The following TLK1 variants were observed in gnomAD, a reference collection of about 807,000 sequenced individuals.
The protein encoded by TLK1 is serine/threonine-protein kinase tousled-like 1.
TLK1 carries 24 observed loss-of-function variants against 105.3 expected under a neutral mutation model. That is an observed-to-expected ratio of 0.23 (90% CI 0.17 to 0.32). The LOEUF (loss-of-function observed/expected upper bound fraction) is 0.32, where lower values mean the gene tolerates loss of function less well. Among genes scored for constraint, TLK1 ranks in the 10% least tolerant of loss-of-function variants. TLK1 has a pLI of 1.00. For synonymous variants in TLK1, 321 were observed against 310.4 expected, an observed-to-expected ratio of 1.03 and a Z score of -0.36; for missense variants, 558 against 910.5, an observed-to-expected ratio of 0.61 and a Z score of 4.98.
chr2:171,178,844 T>C lies in TLK1; in HGVS notation c.-6+52301A>G, dbSNP rs537413021. Among the ~76,000 whole-genome samples, 16 of 152,346 alleles carry C rather than the reference T, an allele frequency of 1.1e-4. No homozygotes were observed. In the South Asian group the frequency reaches 3.3e-3, roughly 32 times the overall value. On this transcript the variant is annotated intron_variant, in intron 1 of 20. Coordinates refer to the TLK1 transcript ENST00000521943. The stretch of plus-strand genomic sequence containing the variant: ...CCTGGTTTGGGATATCAATTTAACT[T>C]AACATTATCAAAACAGTCTTAATTT...
intron 13 of TLK1, among the ~76,000 whole-genome samples, chr2:171,011,966 G>C (rs533561332): frequency 1.3e-5 from 2 of 151,736 alleles, no homozygotes; most frequent in South Asian, 4.2e-4. Context: ...TCACTCATAG[G>C]TAATACTACT....
intron 2 of TLK1, among the ~76,000 whole-genome samples, chr2:171,115,632 GAA>G (rs1690390954): frequency 6.6e-6 from 1 of 152,164 alleles, no homozygotes; most frequent in Non-Finnish European, 1.5e-5. Context: ...AGATGAATCA[GAA>G]AATATAAACA....
At position 171,160,112 on chromosome 2, in the gene TLK1, C is replaced by T. The variant is rs1464006607; in HGVS notation, c.139+178G>A. ...GCCACCCGCGAACCACCATCCACAG[C>T]CAGGGCACTACCTCCCCAGAGCCGG... is the stretch of plus-strand genomic sequence containing the variant. On this transcript the variant is annotated intron_variant, in intron 1 of 20. Coordinates refer to ENST00000431350, the MANE Select transcript of TLK1 (RefSeq NM_012290.5). This position sits in a 1 kb window ranked among gnomAD's most constrained non-coding sequence, Gnocchi z 4.4. 6.6e-6 allele frequency among the ~76,000 whole-genome samples: 1 copy of T among 152,062 alleles called. No homozygotes were observed. The highest frequency in any genetic ancestry group is 2.4e-5 in the African/African-American group (1 of 41,384).
intron 1 of TLK1, among the ~76,000 whole-genome samples, chr2:171,201,077 T>C (rs1693390056): frequency 1.3e-5 from 2 of 151,486 alleles, no homozygotes. Flanking sequence ...AGAGAGGGGG[T>C]TTTACCATGT....
intron 11 of TLK1, among the ~76,000 whole-genome samples, chr2:171,042,237 C>G (rs1686712534): frequency 6.6e-6 from 1 of 152,152 alleles, no homozygotes; most frequent in Admixed American, 6.5e-5. Context: ...GAAATTCGAT[C>G]AAATGTGTTT....
intron 1 of TLK1, among the ~76,000 whole-genome samples, chr2:171,135,015 C>A (rs1691249346): frequency 6.6e-6 from 1 of 152,076 alleles, no homozygotes; most frequent in Admixed American, 6.5e-5. Context: ...ATCTCACTTA[C>A]ATGTGGAATC....
At chr2:171,007,412 C>A (rs1333899805) in intron 14 of TLK1, among the ~76,000 whole-genome samples, 2 of 151,934 alleles carry the variant, frequency 1.3e-5, no homozygotes, top group African/African-American at 2.4e-5. Flanking sequence ...GATGACTGTA[C>A]CACTTTTTTT....
At chr2:171,170,270 A>T (rs989165235) in intron 1 of TLK1, among the ~76,000 whole-genome samples, 1 of 152,278 alleles carries the variant, frequency 6.6e-6, no homozygotes, top group Non-Finnish European at 1.5e-5. Flanking sequence ...AAGCATTATT[A>T]CATTAAAATA....
intron 12 of TLK1, among the ~76,000 whole-genome samples, chr2:171,017,607 A>G (rs182148360): frequency 2.2e-4 from 34 of 152,338 alleles, no homozygotes; most frequent in African/African-American, 8.2e-4. Flanking sequence ...AATATTACAA[A>G]ATAAATACTT....
intron 1 of TLK1, among the ~76,000 whole-genome samples, chr2:171,168,371 A>G (rs1692648778): frequency 6.6e-6 from 1 of 152,136 alleles, no homozygotes. Context: ...CCTCTTCCAA[A>G]AAAAATAAAA....
rs549892653 is a variant in TLK1, at chr2:171,202,384, G to A, written c.-6+28761C>T. On this transcript the variant is annotated intron_variant, in intron 1 of 20. Coordinates refer to the TLK1 transcript ENST00000521943. ...GGAGAATTGCTTGAACCTGGGAGGTGGAGGTTGCGGTGAGCCGGGATCGCG... is the reference window on the plus strand; with the variant it reads ...GGAGAATTGCTTGAACCTGGGAGGTAGAGGTTGCGGTGAGCCGGGATCGCG... 3.3e-5 allele frequency among the ~76,000 whole-genome samples: 5 copies of A among 151,544 alleles called. No homozygotes were observed. In the South Asian group the frequency reaches 1.0e-3, roughly 32 times the overall value.
chr2:171,100,524 G>A (rs1038600664), intron 2 of TLK1, among the ~76,000 whole-genome samples: 12 of 151,964 alleles, frequency 7.9e-5, no homozygotes, highest in South Asian at 2.1e-4. Flanking sequence ...AAAACTCCTC[G>A]CCAGAAGCCA....
rs759381255 is a variant in TLK1 at position 170,997,843 on chromosome 2, G to A, written c.1905-20C>T. Reference sequence around the variant, plus strand: ...AAATACCTGTAAGTTTTGTGGGAGAGAAAAAAGGTTACTACTGACAATCTG... The same window carrying A: ...AAATACCTGTAAGTTTTGTGGGAGAAAAAAAAGGTTACTACTGACAATCTG... On this transcript the variant is annotated intron_variant, in intron 18 of 20. Transcript: ENST00000431350. 1.4e-5 allele frequency: 20 copies of A among 1,468,352 alleles called. No homozygotes were observed. Among genetic ancestry groups the A allele is most frequent in the Admixed American group, 1.9e-5 (1 of 52,562 alleles). 91.0% of individuals were successfully genotyped at this position (1,468,352 alleles called of 1,614,324 possible).
chr2:171,142,238 A>G (rs1035407065), intron 1 of TLK1, among the ~76,000 whole-genome samples: 1 of 152,202 alleles, frequency 6.6e-6, no homozygotes, highest in Non-Finnish European at 1.5e-5. Flanking sequence ...GCAGAAAAGG[A>G]GAATAAGAGA....
chr2:171,145,878 T>G (rs1691773029), intron 1 of TLK1, among the ~76,000 whole-genome samples: 1 of 151,876 alleles, frequency 6.6e-6, no homozygotes, highest in African/African-American at 2.4e-5. Context: ...CATAACTAAA[T>G]CAGAATAATG....
chr2:171,014,650 C>T (rs1369765728), intron 13 of TLK1, among the ~76,000 whole-genome samples: 1 of 152,086 alleles, frequency 6.6e-6, no homozygotes, highest in Non-Finnish European at 1.5e-5. Context: ...GAAGGGAATG[C>T]TCTTGACATG....
At position 171,115,170 on chromosome 2, in the gene TLK1, C is replaced by CTTTTTTTTTTTTTTTTTTT. The variant is rs373796060; in HGVS notation, c.258+2568_258+2569insAAAAAAAAAAAAAAAAAAA. 5.2e-5 allele frequency among the ~76,000 whole-genome samples: 7 copies of CTTTTTTTTTTTTTTTTTTT among 135,766 alleles called. 1 individual carries two copies. The highest frequency in any genetic ancestry group is 1.2e-4 in the African/African-American group (4 of 33,136). The allele number at this position is 135,766 out of a possible 152,430, so 89.1% of individuals were successfully genotyped here. Reference sequence around the variant, plus strand: ...ATCTTGCTTCATCTTTTAAGAATTTCTTTCTTTTTTTTTTTTTTGAGACTG... The same window carrying CTTTTTTTTTTTTTTTTTTT: ...ATCTTGCTTCATCTTTTAAGAATTTCTTTTTTTTTTTTTTTTTTTTTTCTTTTTTTTTTTTTTGAGACTG... On this transcript the variant is annotated intron_variant, in intron 2 of 20. Transcript: ENST00000431350.
intron 2 of TLK1, among the ~76,000 whole-genome samples, chr2:171,102,361 A>G (rs1689727494): frequency 6.6e-6 from 1 of 152,148 alleles, no homozygotes; most frequent in Non-Finnish European, 1.5e-5. Context: ...ATTTTCTTTA[A>G]GTTCAAACTG....
chr2:171,014,933 G>A lies in TLK1; in HGVS notation c.1252C>T (p.Gln418Ter). Reference protein sequence around the residue: ...GHLKKEEAEIQAELERLERVR... With the variant: ...GHLKKEEAEI ...CTTTCCAAACGTTCAAGTTCTGCCT[G>A]GATTTCTGCCTCTTCCTGAAAATGA... is the stretch of plus-strand genomic sequence containing the variant. Residue 418 changes from glutamine (Q) to a stop codon, truncating the protein, a stop_gained, in exon 13 of 21, where the codon CAG becomes TAG. Transcript: ENST00000431350. LOFTEE classifies it high-confidence loss of function. The A allele has an allele frequency of 6.2e-7, 1 of 1,613,528 alleles. No individual in the cohort carries two copies. The highest frequency in any genetic ancestry group is 8.5e-7 in the Non-Finnish European group (1 of 1,179,634).
Sources: allele counts gnomAD v4.1 joint callset (sites outside exome capture counted in the v4.1 genomes callset), GRCh38; gene constraint gnomAD v4.1.1; non-coding constraint Gnocchi (gnomAD v3.1); transcripts MANE v1.5; gene names NCBI Gene and HGNC (gene_info 2026-07-23, HGNC 2026-07-21).